EPHA5: variants seen among roughly 807,000 people sequenced by gnomAD.
The protein encoded by EPHA5 is EPH receptor A5.
A neutral mutation model predicts 105.0 loss-of-function variants in EPHA5; 60 were observed. The observed-to-expected ratio is 0.57, with a 90% confidence interval of 0.46 to 0.71. The LOEUF (loss-of-function observed/expected upper bound fraction) is 0.71. Among genes scored for constraint, EPHA5 ranks in the 30% least tolerant of loss-of-function variants. EPHA5 has a pLI of 0.00. For synonymous variants in EPHA5, 513 were observed against 449.1 expected (o/e 1.14, Z -1.80); for missense variants, 1,218 against 1,274.7 (o/e 0.96, Z 0.68).
intron 5 of EPHA5, among the ~76,000 whole-genome samples, chr4:65,463,723 T>C (rs1341486992): frequency 5.3e-5 from 8 of 152,092 alleles, no homozygotes; most frequent in East Asian, 3.8e-4. Flanking sequence ...ACAGAAATCA[T>C]AGTTTTTCTC....
chr4:65,655,952 A>G (rs1206379576), intron 1 of EPHA5, among the ~76,000 whole-genome samples: 2 of 152,032 alleles, frequency 1.3e-5, no homozygotes, highest in Non-Finnish European at 2.9e-5. Flanking sequence ...TTAACACAGT[A>G]GTTTTTAAAC....
At chr4:65,374,158 T>C (rs1405828288) in intron 8 of EPHA5, among the ~76,000 whole-genome samples, 2 of 151,856 alleles carry the variant, frequency 1.3e-5, no homozygotes, top group African/African-American at 4.8e-5. Context: ...GAGATGACAA[T>C]AAAGGCAACG....
intron 5 of EPHA5, among the ~76,000 whole-genome samples, chr4:65,434,692 T>C (rs1290185617): frequency 6.6e-6 from 1 of 152,144 alleles, no homozygotes; most frequent in Non-Finnish European, 1.5e-5. Context: ...TTACATAAAT[T>C]AATGCAACTT....
Position 65,533,951 on chromosome 4 carries a change from AAAAGAAAGAAAG to A in EPHA5, c.911-38420_911-38409del, listed in dbSNP as rs145816997. On this transcript the variant is annotated intron_variant, in intron 3 of 16. Coordinates refer to ENST00000613740, the MANE Select transcript of EPHA5 (RefSeq NM_001281766.3). ...CCATCTCAAAAAAAAATAAATAAAT[AAAAGAAAGAAAG>A]AAAGAAAGAAAAGAAAAGAGATGGG... Among the ~76,000 whole-genome samples the A allele has an allele frequency of 2.7e-5, 4 of 149,842 alleles. No homozygotes were observed. In the South Asian group the frequency reaches 8.5e-4, roughly 32 times the overall value.
chr4:65,473,826 C>A (rs4479757), intron 5 of EPHA5, among the ~76,000 whole-genome samples: 149,474 of 151,896 alleles, frequency 0.98, 73,599 homozygotes, highest in East Asian at 1. Flanking sequence ...TAGTTTTTGA[C>A]ACCCTTTTCT....
In EPHA5 at chr4:65,646,723, G is replaced by A. The variant is rs142000088; in HGVS notation, c.182-3296C>T. Among the ~76,000 whole-genome samples, 199 of 152,160 alleles carry A rather than the reference G, an allele frequency of 1.3e-3. 1 individual carries two copies. The highest frequency in any genetic ancestry group is 3.4e-3 in the Middle Eastern group (1 of 292). ...ATGTACCAGATAAAGAATTGTGAAA[G>A]TAGAAATTTAACAGAAGTTAGCATA... On this transcript the variant is annotated intron_variant, in intron 1 of 16. Coordinates refer to ENST00000613740, the MANE Select transcript of EPHA5 (RefSeq NM_001281766.3).
intron 3 of EPHA5, among the ~76,000 whole-genome samples, chr4:65,551,254 A>ATGTGTGTG (rs71657186): frequency 0.022 from 3,091 of 141,414 alleles, 39 homozygotes; most frequent in Non-Finnish European, 0.032. Flanking sequence ...ATATTTATAT[A>ATGTGTGTG]TGTGTGTGTG....
chr4:65,576,000 G>GAGAAAGAAAGAA (rs1553943367), intron 3 of EPHA5, among the ~76,000 whole-genome samples: 7 of 29,732 alleles, frequency 2.4e-4, no homozygotes, highest in East Asian at 9.9e-4. Flanking sequence ...GAGAGAGAGA[G>GAGAAAGAAAGAA]AGAAAGAAAG....
chr4:65,529,542 GAGAGACA>G (rs1273499464), intron 3 of EPHA5, among the ~76,000 whole-genome samples: 10 of 152,032 alleles, frequency 6.6e-5, no homozygotes, highest in Non-Finnish European at 1.5e-4. Flanking sequence ...GACCAAGAGG[GAGAGACA>G]GAAAGACGGT....
intron 3 of EPHA5, among the ~76,000 whole-genome samples, chr4:65,589,634 C>T (rs1742444558): frequency 6.6e-6 from 1 of 152,048 alleles, no homozygotes. Flanking sequence ...ATGCTTGAAC[C>T]AAGAGAGCAA....
rs1359103773 is a variant in EPHA5, at chr4:65,348,172, G to A, written c.2477C>T (p.Pro826Leu). The change falls in exon 14 of 17, where the codon CCA becomes CTA. Residue 826 changes from proline to leucine, a missense_variant. By Grantham distance (98) the Pro-to-Leu change is moderately conservative. This residue lies in a region of EPHA5 where 971 missense variants were observed against 1,013.5 expected (regional missense o/e 0.96). Transcript: ENST00000613740. ...AAACTTTCGGAAAGCTATTGCTTCT[G>A]GGGCAGTCCATCTGATTGGAATTTT... ...GGKIPIRWTA[P>L]EAIAFRKFTS... is the part of the protein sequence containing the mutation. 1.9e-6 allele frequency: 3 copies of A among 1,612,912 alleles called. No individual in the cohort carries two copies. Among genetic ancestry groups the A allele is most frequent in the Admixed American group, 3.3e-5 (2 of 59,802 alleles).
chr4:65,393,784 A>G (rs1333299936), intron 8 of EPHA5, among the ~76,000 whole-genome samples: 2 of 152,174 alleles, frequency 1.3e-5, no homozygotes, highest in African/African-American at 4.8e-5. Flanking sequence ...TATGCCTTCT[A>G]TCATTTGCAA....
At chr4:65,578,651 G>C (rs1233865113) in intron 3 of EPHA5, among the ~76,000 whole-genome samples, 1 of 152,172 alleles carries the variant, frequency 6.6e-6, no homozygotes, top group Non-Finnish European at 1.5e-5. Context: ...GCAATTAAAA[G>C]TGTGTATATT....
chr4:65,331,094 C>A (rs1386262764), intron 16 of EPHA5: 3 of 1,040,624 alleles, frequency 2.9e-6, no homozygotes, highest in East Asian at 1.1e-4. Flanking sequence ...TGGTTTAGTG[C>A]TTCAGAATAT....
intron 4 of EPHA5, among the ~76,000 whole-genome samples, chr4:65,493,617 T>G (rs1731637148): frequency 6.6e-6 from 1 of 152,102 alleles, no homozygotes; most frequent in African/African-American, 2.4e-5. Flanking sequence ...TTTATTTTAC[T>G]TTTAGAAATG....
intron 3 of EPHA5, among the ~76,000 whole-genome samples, chr4:65,505,853 A>T (rs957515125): frequency 6.6e-6 from 1 of 151,710 alleles, no homozygotes; most frequent in South Asian, 2.1e-4. Flanking sequence ...TTATTTATTT[A>T]TTTTCTTTTA....
At chr4:65,464,421 T>C (rs915665254) in intron 5 of EPHA5, among the ~76,000 whole-genome samples, 4 of 152,116 alleles carry the variant, frequency 2.6e-5, no homozygotes, top group Non-Finnish European at 4.4e-5. Flanking sequence ...CAGGCACTTT[T>C]ATTTTAAGGC....
At chr4:65,535,736 C>T (rs1055536541) in intron 3 of EPHA5, among the ~76,000 whole-genome samples, 1 of 151,818 alleles carries the variant, frequency 6.6e-6, no homozygotes, top group Admixed American at 6.6e-5. Flanking sequence ...TTAAAATGTA[C>T]ATTATATACA....
At chr4:65,644,363 A>T (rs1747938814) in intron 1 of EPHA5, among the ~76,000 whole-genome samples, 2 of 152,068 alleles carry the variant, frequency 1.3e-5, no homozygotes, top group African/African-American at 2.4e-5. Context: ...CCAACCTATT[A>T]TACCTATCCC....
Sources: allele counts gnomAD v4.1 joint callset (sites outside exome capture counted in the v4.1 genomes callset), GRCh38; gene constraint gnomAD v4.1.1; regional missense constraint gnomAD v4.1.1; transcripts MANE v1.5; gene names NCBI Gene and HGNC (gene_info 2026-07-23, HGNC 2026-07-21).